The following PLXNB2 variants were observed in gnomAD, a reference collection of about 807,000 sequenced individuals.
The protein encoded by PLXNB2 is plexin B2, also known as plexin-B2.
A neutral mutation model predicts 202.6 loss-of-function variants in PLXNB2; 85 were observed. That is an observed-to-expected ratio of 0.42 (90% CI 0.35 to 0.50). The LOEUF is 0.50. Among genes scored for constraint, PLXNB2 ranks in the 20% least tolerant of loss-of-function variants. The pLI, the probability that PLXNB2 is intolerant of heterozygous loss-of-function variation, is 0.02. For synonymous variants in PLXNB2, 1,239 were observed against 1,137.6 expected (o/e 1.09, Z -1.79); for missense variants, 2,063 against 2,586.2 (o/e 0.80, Z 4.39).
At position 50,291,169 on chromosome 22, in the gene PLXNB2, C is replaced by T. The variant is rs936249722; in HGVS notation, c.-13-572G>A. Reference sequence around the variant, plus strand: ...GCTGTTTACAACTGCCCGCCAGAGCCCCCAGGCGGCCTGAGCCTCCCTGAC... The same window carrying T: ...GCTGTTTACAACTGCCCGCCAGAGCTCCCAGGCGGCCTGAGCCTCCCTGAC... On this transcript the variant is annotated intron_variant, in intron 2 of 36. Coordinates refer to ENST00000359337, the MANE Select transcript of PLXNB2 (RefSeq NM_012401.4). This position sits in a 1 kb window ranked among gnomAD's most constrained non-coding sequence, Gnocchi z 4.3. 6.6e-5 allele frequency among the ~76,000 whole-genome samples: 10 copies of T among 152,310 alleles called. No individual in the cohort carries two copies. Among genetic ancestry groups the T allele is most frequent in the Admixed American group, 6.5e-4 (10 of 15,302 alleles).
intron 1 of PLXNB2, among the ~76,000 whole-genome samples, chr22:50,295,831 C>T (rs1454051959): frequency 1.3e-5 from 2 of 152,100 alleles, no homozygotes; most frequent in African/African-American, 2.4e-5. Context: ...AGGCTGGGTG[C>T]GGTGGCTCAC....
chr22:50,301,129 T>C (rs1480712882), intron 1 of PLXNB2, among the ~76,000 whole-genome samples: 1 of 152,204 alleles, frequency 6.6e-6, no homozygotes, highest in African/African-American at 2.4e-5. Flanking sequence ...CTGGCGCATC[T>C]GGAGGATGGT....
At position 50,297,343 on chromosome 22, in the gene PLXNB2, C is replaced by T. The variant is rs535334642; in HGVS notation, c.-73-2565G>A. On this transcript the variant is annotated intron_variant, in intron 1 of 36. Coordinates refer to ENST00000359337, the MANE Select transcript of PLXNB2 (RefSeq NM_012401.4). The surrounding 1 kb of genome is among the most constrained non-coding windows in gnomAD (Gnocchi z 5.3). ...TGGCTTCTGTCCCGCCCATCCCGCACGCCCTCGAACAACCTCCCCTGAGTG... is the reference window on the plus strand; with the variant it reads ...TGGCTTCTGTCCCGCCCATCCCGCATGCCCTCGAACAACCTCCCCTGAGTG... Among the ~76,000 whole-genome samples, 4 of 152,286 alleles carry T rather than the reference C, an allele frequency of 2.6e-5. No individual in the cohort carries two copies. The highest frequency in any genetic ancestry group is 2.1e-4 in the South Asian group (1 of 4,834).
At chr22:50,302,624 G>T (rs975532397) in intron 1 of PLXNB2, among the ~76,000 whole-genome samples, 2 of 152,180 alleles carry the variant, frequency 1.3e-5, no homozygotes, top group African/African-American at 4.8e-5. Context: ...AGTCCCTCAG[G>T]GTGGTCACCA....
chr22:50,278,898 C>T lies in PLXNB2; in HGVS notation c.4503G>A (p.Gly1501=). Reference sequence around the variant, plus strand: ...GCCTGGGCCAGCAGGAGCAGGGCTGCCCACGGTACACCTGGTCAATGATCT... The same window carrying T: ...GCCTGGGCCAGCAGGAGCAGGGCTGTCCACGGTACACCTGGTCAATGATCT... The part of the protein sequence containing the change: ...KEKIIDQVYR[G]QPCSCWPRPD... Residue 1501 remains glycine, a synonymous_variant, in exon 28 of 37, where the codon GGG becomes GGA. Coordinates refer to ENST00000359337, the MANE Select transcript of PLXNB2 (RefSeq NM_012401.4). The T allele has an allele frequency of 1.2e-6, 2 of 1,613,446 alleles. No individual in the cohort carries two copies. The highest frequency in any genetic ancestry group is 2.2e-5 in the East Asian group (1 of 44,882).
chr22:50,289,700 A>T lies in PLXNB2; in HGVS notation c.885T>A (p.Ala295=), dbSNP rs760989687. The T allele has an allele frequency of 1.1e-5, 17 of 1,611,104 alleles. 1 individual carries two copies. The South Asian group carries it at 1.5e-4, about 15-fold the overall frequency. Residue 295 remains alanine (A), a synonymous_variant, in exon 3 of 37, where the codon GCT becomes GCA. Coordinates refer to ENST00000359337, the MANE Select transcript of PLXNB2 (RefSeq NM_012401.4). The surrounding 1 kb of genome is among the most constrained non-coding windows in gnomAD (Gnocchi z 8.0). Reference sequence around the variant, plus strand: ...TGCTCCGGCTGTCTCTGCTGAAGACAGCATATAGCACCCTGCCAGAGCCAG... The same window carrying T: ...TGCTCCGGCTGTCTCTGCTGAAGACTGCATATAGCACCCTGCCAGAGCCAG... The part of the protein sequence containing the change: ...AAPGSGRVLY[A]VFSRDSRSSG...
intron 7 of PLXNB2, 120 bp from the exon 8 acceptor site, chr22:50,287,384 TC>T: frequency 8.9e-7 from 1 of 1,127,550 alleles, no homozygotes; most frequent in Non-Finnish European, 1.2e-6. Context: ...AGAACCCGAC[TC>T]CACGTCTTCC....
rs746527136 is a variant in PLXNB2 at position 50,284,177 on chromosome 22, G to A, written c.2218C>T (p.Leu740Phe). The change falls in exon 13 of 37, where the codon CTC (leucine) becomes TTC (phenylalanine). Residue 740 changes from leucine (L) to phenylalanine (F), a missense_variant. Around this residue, in one of 2 missense-constraint regions of PLXNB2, gnomAD observed 1,303 missense variants for 1,476.8 expected, o/e 0.88. Coordinates refer to ENST00000359337, the MANE Select transcript of PLXNB2 (RefSeq NM_012401.4). The surrounding 1 kb of genome is among the most constrained non-coding windows in gnomAD (Gnocchi z 8.0). ...HDANETLPLH[L>F]YVKSYGKNID... is the part of the protein sequence containing the mutation. ...TTCTTGCCGTAAGACTTGACGTAGA[G>A]GTGCAGGGGCAGCGTCTCGTTGGCA... is the stretch of plus-strand genomic sequence containing the variant. 1.2e-6 allele frequency: 2 copies of A among 1,612,754 alleles called. No homozygotes were observed. The highest frequency in any genetic ancestry group is 1.3e-5 in the African/African-American group (1 of 74,964).
intron 1 of PLXNB2, among the ~76,000 whole-genome samples, chr22:50,302,029 G>T (rs557365706): frequency 6.6e-6 from 1 of 152,386 alleles, no homozygotes; most frequent in South Asian, 2.1e-4. Flanking sequence ...TCAGGCCGGG[G>T]CACTTGGGCT....
chr22:50,280,897 G>A lies in PLXNB2; in HGVS notation c.3840C>T (p.Tyr1280=), dbSNP rs777607048. 6.2e-7 allele frequency: 1 copy of A among 1,613,578 alleles called. No individual in the cohort carries two copies. Among genetic ancestry groups the A allele is most frequent in the Non-Finnish European group, 8.5e-7 (1 of 1,179,970 alleles). The change falls in exon 24 of 37, where the codon TAC becomes TAT. Residue 1280 remains tyrosine, a synonymous_variant. Transcript: ENST00000359337. ...AGIPVLDYKT[Y]TDRVFFLPSK... ...AGGGCAGGAAGAAGACGCGGTCGGT[G>A]TAGGTCTTGTAGTCCAGCACGGGGA...
At chr22:50,299,678 C>G (rs2067543259) in intron 1 of PLXNB2, among the ~76,000 whole-genome samples, 1 of 152,096 alleles carries the variant, frequency 6.6e-6, no homozygotes, top group South Asian at 2.1e-4. Context: ...TGGGTAGGCG[C>G]GGGGAGGGAC....
rs1212647840 is a variant in PLXNB2, at chr22:50,278,791, C to T, written c.4546+64G>A. On this transcript the variant is annotated intron_variant, in intron 28 of 36. Coordinates refer to ENST00000359337, the MANE Select transcript of PLXNB2 (RefSeq NM_012401.4). The stretch of plus-strand genomic sequence containing the variant: ...TGAGAAAGCTGGCCAGGCAGGATAC[C>T]GCCCCAGGACACAGGCCAGGCACAT... The T allele has an allele frequency of 3.0e-5, 47 of 1,592,692 alleles. No homozygotes were observed. The South Asian group carries it at 4.0e-4, about 14-fold the overall frequency.
At position 50,276,834 on chromosome 22, in the gene PLXNB2, AG is replaced by A; in HGVS notation, c.5261+7del. Reference sequence around the variant, plus strand: ...TGGGGGCCTGGCCTGGAGGGCAGGCAGACTTACTCCTCCACCATCTTCTTGT... The same window carrying A: ...TGGGGGCCTGGCCTGGAGGGCAGGCAACTTACTCCTCCACCATCTTCTTGT... On this transcript the variant is annotated splice_region_variant and intron_variant, in intron 34 of 36. Coordinates refer to ENST00000359337, the MANE Select transcript of PLXNB2 (RefSeq NM_012401.4). 6.2e-7 allele frequency: 1 copy of A among 1,606,568 alleles called. No homozygotes were observed.
chr22:50,279,218 A>G (rs2065823884), intron 27 of PLXNB2, among the ~76,000 whole-genome samples: 1 of 152,210 alleles, frequency 6.6e-6, no homozygotes, highest in Non-Finnish European at 1.5e-5. Context: ...CAGGACAGAA[A>G]GACGGGGACG....
Position 50,282,781 on chromosome 22 carries a change from G to C in PLXNB2, c.2917C>G (p.Pro973Ala). The change falls in exon 18 of 37, where the codon CCC (proline) becomes GCC (alanine). Residue 973 changes from proline (P) to alanine (A), a missense_variant. Coordinates refer to ENST00000359337, the MANE Select transcript of PLXNB2 (RefSeq NM_012401.4). ...TCGCGGTAGGTGAAGAAGATGCCGG[G>C]GTTGGGCACGGGGGACCCCCCGTAG... is the stretch of plus-strand genomic sequence containing the variant. ...VSYGGSPVPN[P>A]GIFFTYRENP... The C allele has an allele frequency of 6.2e-7, 1 of 1,612,874 alleles. No homozygotes were observed. Among genetic ancestry groups the C allele is most frequent in the South Asian group, 1.1e-5 (1 of 91,068 alleles).
intron 1 of PLXNB2, among the ~76,000 whole-genome samples, chr22:50,302,909 C>A (rs551203035): frequency 5.3e-5 from 8 of 152,304 alleles, no homozygotes; most frequent in African/African-American, 1.9e-4. Flanking sequence ...TCCTCCAAAG[C>A]AGGCCCCAGC....
Position 50,275,943 on chromosome 22 carries a change from G to A in PLXNB2, c.5358C>T (p.Asn1786=), listed in dbSNP as rs753662439. The A allele has an allele frequency of 3.1e-6, 5 of 1,612,548 alleles. No homozygotes were observed. The South Asian group carries it at 4.4e-5, about 14-fold the overall frequency. The change falls in exon 36 of 37, where the codon AAC becomes AAT. Residue 1786 remains asparagine (N), a synonymous_variant. Transcript: ENST00000359337. ...AGAGCTGGTGGAGTGCCACGAGGGT[G>A]TTCAAGGAGTCCGTGTGCGCCTGGG... ...EISRAHTDSL[N]TLVALHQLYQ...
rs574572521 is a variant in PLXNB2 at position 50,284,729 on chromosome 22, C to A, written c.2089-64G>T. 9 of 1,159,396 alleles carry A rather than the reference C, an allele frequency of 7.8e-6. No individual in the cohort carries two copies. The African/African-American group carries it at 1.1e-4, about 14-fold the overall frequency. 71.8% of individuals were successfully genotyped at this position (1,159,396 alleles called of 1,614,324 possible). A position where few individuals can be genotyped will look rare whatever the true frequency, so the allele number is the denominator to read the frequency against. The stretch of plus-strand genomic sequence containing the variant: ...TGGCACCCTGGCCCTCCTCCCAGAA[C>A]CCCTGCAGCCCCTCCTCTGTGCCTA... On this transcript the variant is annotated intron_variant, in intron 11 of 36. Transcript: ENST00000359337. This position sits in a 1 kb window ranked among gnomAD's most constrained non-coding sequence, Gnocchi z 8.0.
At position 50,284,084 on chromosome 22, in the gene PLXNB2, G is replaced by A; in HGVS notation, c.2263+48C>T. 6 of 1,242,290 alleles carry A rather than the reference G, an allele frequency of 4.8e-6. No individual in the cohort carries two copies. The highest frequency in any genetic ancestry group is 6.8e-6 in the Non-Finnish European group (6 of 883,234). The allele number at this position is 1,242,290 out of a possible 1,614,324, so 77.0% of individuals were successfully genotyped here. A position where few individuals can be genotyped will look rare whatever the true frequency, so the allele number is the denominator to read the frequency against. On this transcript the variant is annotated intron_variant, in intron 13 of 36. Coordinates refer to ENST00000359337, the MANE Select transcript of PLXNB2 (RefSeq NM_012401.4). This position sits in a 1 kb window ranked among gnomAD's most constrained non-coding sequence, Gnocchi z 8.0. Reference sequence around the variant, plus strand: ...CACCTGTCCCCCCACCCACCGCCTTGTGCCCACCCGTCCCCTGCCCGCCCC... The same window carrying A: ...CACCTGTCCCCCCACCCACCGCCTTATGCCCACCCGTCCCCTGCCCGCCCC...
Sources: allele counts gnomAD v4.1 joint callset (sites outside exome capture counted in the v4.1 genomes callset), GRCh38; gene constraint gnomAD v4.1.1; regional missense constraint gnomAD v4.1.1; non-coding constraint Gnocchi (gnomAD v3.1); transcripts MANE v1.5; gene names NCBI Gene and HGNC (gene_info 2026-07-23, HGNC 2026-07-21).